The following MERTK variants were observed in gnomAD, a reference collection of about 807,000 sequenced individuals.
MERTK encodes the protein MER proto-oncogene, tyrosine kinase.
A neutral mutation model predicts 99.3 loss-of-function variants in MERTK; 69 were observed. The observed-to-expected ratio is 0.70, with a 90% CI of 0.57 to 0.85. The LOEUF (loss-of-function observed/expected upper bound fraction) is 0.85. Among genes scored for constraint, MERTK ranks in the 40% least tolerant of loss-of-function variants. The probability of loss-of-function intolerance (pLI) is 0.00; values close to 1 mark genes in which losing one functional copy is unlikely to be tolerated. For missense variants in MERTK, 1,125 were observed against 1,249.4 expected (o/e 0.90, Z 1.50); for synonymous variants, 426 against 467.6 (o/e 0.91, Z 1.15).
At chr2:112,026,506 G>A (rs574819538) in intron 18 of MERTK, among the ~76,000 whole-genome samples, 17 of 152,260 alleles carry the variant, frequency 1.1e-4, no homozygotes, top group Admixed American at 8.5e-4. Flanking sequence ...ATTGACTTAC[G>A]CCTGAAAACC....
At chr2:112,008,912 A>G (rs780089854) in intron 14 of MERTK, 63 of 273,810 alleles carry the variant, frequency 2.3e-4, no homozygotes, top group Non-Finnish European at 4.0e-4. Flanking sequence ...CTGATTTCTT[A>G]AGATCATGAT....
intron 2 of MERTK, among the ~76,000 whole-genome samples, chr2:111,934,850 G>C (rs1374346125): frequency 6.6e-6 from 1 of 152,096 alleles, no homozygotes; most frequent in Non-Finnish European, 1.5e-5. Flanking sequence ...TATGATTTCA[G>C]GTCTTACATT....
intron 4 of MERTK, among the ~76,000 whole-genome samples, chr2:111,958,585 A>T (rs758927048): frequency 6.6e-5 from 10 of 152,174 alleles, no homozygotes; most frequent in Non-Finnish European, 1.5e-4. Context: ...CTGTTTTAAT[A>T]CATTGTGTGG....
chr2:112,021,280 C>T (rs1239770252), intron 16 of MERTK, 142 bp from the exon 17 acceptor site: 1 of 1,211,712 alleles, frequency 8.3e-7, no homozygotes, highest in African/African-American at 1.5e-5. Context: ...CCATTGGTCC[C>T]AATGCAGCAT....
At chr2:111,964,368 CGT>C (rs200168355) in intron 4 of MERTK, among the ~76,000 whole-genome samples, 3,995 of 141,240 alleles carry the variant, frequency 0.028, 76 homozygotes, top group African/African-American at 0.056. Context: ...ATCATTGTCT[CGT>C]GTGTGTGTGT....
At chr2:111,953,578 C>CT (rs11380665) in intron 4 of MERTK, among the ~76,000 whole-genome samples, 35,327 of 149,764 alleles carry the variant, frequency 0.24, 4,336 homozygotes, top group Middle Eastern at 0.36. Flanking sequence ...ATTGTTCTCT[C>CT]TTTTTTTTTT....
Position 111,983,007 on chromosome 2 carries a change from C to T in MERTK, c.1296+14C>T. ...GCAGGGATTTCCGTAAGTCTAAACC[C>T]TAGAAGAGCACGATTAGTCATCTCC... On this transcript the variant is annotated intron_variant, in intron 8 of 18. Coordinates refer to ENST00000295408, the MANE Select transcript of MERTK (RefSeq NM_006343.3). 1 of 1,605,156 alleles carries T rather than the reference C, an allele frequency of 6.2e-7. No homozygotes were observed. The highest frequency in any genetic ancestry group is 8.5e-7 in the Non-Finnish European group (1 of 1,176,420).
intron 6 of MERTK, among the ~76,000 whole-genome samples, chr2:111,968,456 T>G (rs1260298458): frequency 6.6e-6 from 1 of 152,110 alleles, no homozygotes; most frequent in East Asian, 1.9e-4. Context: ...CTGTGCAGGA[T>G]TCAGGGCTCA....
In MERTK at chr2:111,964,404, C is replaced by T. The variant is rs889912400; in HGVS notation, c.758-787C>T. The stretch of plus-strand genomic sequence containing the variant: ...GTGTGTGTGTGTGTGTGTGTGCGCG[C>T]GCGCACGCGCATGTGTGTGTGTGTA... On this transcript the variant is annotated intron_variant, in intron 4 of 18. Coordinates refer to ENST00000295408, the MANE Select transcript of MERTK (RefSeq NM_006343.3). Among the ~76,000 whole-genome samples the T allele has an allele frequency of 1.6e-3, 227 of 140,898 alleles. 3 individuals are homozygous for T. The highest frequency in any genetic ancestry group is 5.0e-3 in the African/African-American group (200 of 39,850). The allele number at this position is 140,898 out of a possible 152,430, so 92.4% of individuals were successfully genotyped here.
At position 112,017,610 on chromosome 2, in the gene MERTK, G is replaced by A. The variant is rs114847988; in HGVS notation, c.2080-1803G>A. On this transcript the variant is annotated intron_variant, in intron 15 of 18. Coordinates refer to ENST00000295408, the MANE Select transcript of MERTK (RefSeq NM_006343.3). ...GCGCCACTGCACCACTCCAGTCTGGGTGACAGAGCACGACTTCGTCTCAAA... is the reference window on the plus strand; with the variant it reads ...GCGCCACTGCACCACTCCAGTCTGGATGACAGAGCACGACTTCGTCTCAAA... Among the ~76,000 whole-genome samples the A allele has an allele frequency of 6.4e-3, 954 of 149,830 alleles. 9 individuals carry two copies. Among genetic ancestry groups the A allele is most frequent in the African/African-American group, 0.022 (886 of 40,790 alleles).
At chr2:111,952,813 A>G (rs1685081908) in intron 4 of MERTK, 1 of 152,128 alleles carries the variant, frequency 6.6e-6, no homozygotes, top group Admixed American at 6.5e-5. Flanking sequence ...ATACATTCTA[A>G]TCTCCCTCCA....
chr2:112,022,933 G>A lies in MERTK; in HGVS notation c.2486+539G>A, dbSNP rs559533380. On this transcript the variant is annotated intron_variant, in intron 18 of 18. Coordinates refer to ENST00000295408, the MANE Select transcript of MERTK (RefSeq NM_006343.3). ...AATACGATTCCTCGGCCCTGTTCCC[G>A]GAAATTATGATGCTTTCGGTACAAA... Among the ~76,000 whole-genome samples, 13 of 152,148 alleles carry A rather than the reference G, an allele frequency of 8.5e-5. No individual in the cohort carries two copies. In the South Asian group the frequency reaches 1.5e-3, roughly 17 times the overall value.
intron 17 of MERTK, among the ~76,000 whole-genome samples, chr2:112,022,048 G>C (rs967166852): frequency 4.6e-5 from 7 of 152,196 alleles, no homozygotes; most frequent in Admixed American, 2.0e-4. Context: ...GCCTTTGCCA[G>C]ATTTCCCAGA....
At chr2:111,949,758 C>A (rs976030207) in intron 4 of MERTK, among the ~76,000 whole-genome samples, 1 of 152,146 alleles carries the variant, frequency 6.6e-6, no homozygotes, top group Admixed American at 6.5e-5. Context: ...CACCATCTCC[C>A]ATAGGCAATT....
chr2:111,947,476 C>T lies in MERTK; in HGVS notation c.666C>T (p.Gly222=), dbSNP rs757742950. The T allele has an allele frequency of 6.2e-7, 1 of 1,614,150 alleles. No homozygotes were observed. The highest frequency in any genetic ancestry group is 8.5e-7 in the Non-Finnish European group (1 of 1,180,006). The change falls in exon 4 of 19, where the codon GGC becomes GGT. Residue 222 remains glycine, a synonymous_variant. Transcript: ENST00000295408. ...TAFNLTCQAV[G]PPEPVNIFWV... is the part of the protein sequence containing the mutation. ...TCAACCTCACCTGTCAGGCTGTGGGCCCGCCTGAGCCCGTCAACATTTTCT... is the reference window on the plus strand; with the variant it reads ...TCAACCTCACCTGTCAGGCTGTGGGTCCGCCTGAGCCCGTCAACATTTTCT...
chr2:112,007,525 C>T (rs1353283036), intron 13 of MERTK, among the ~76,000 whole-genome samples: 1 of 152,158 alleles, frequency 6.6e-6, no homozygotes, highest in African/African-American at 2.4e-5. Flanking sequence ...CCCTTTCTCC[C>T]CAGCCCTGGC....
intron 4 of MERTK, among the ~76,000 whole-genome samples, chr2:111,949,283 G>C (rs1685014185): frequency 1.3e-5 from 2 of 152,034 alleles, no homozygotes; most frequent in Non-Finnish European, 2.9e-5. Flanking sequence ...GTAAGGACAA[G>C]AGCTTTGTCT....
intron 9 of MERTK, chr2:111,994,768 A>T (rs1350686408): frequency 4.2e-6 from 1 of 236,044 alleles, no homozygotes; most frequent in Non-Finnish European, 8.4e-6. Context: ...ACAGAGTGAG[A>T]CCCTGTCTCA....
chr2:111,975,494 G>A, intron 7 of MERTK, 22 bp downstream of exon 7: 1 of 1,610,840 alleles, frequency 6.2e-7, no homozygotes, highest in Non-Finnish European at 8.5e-7. Context: ...GGTTCAGAAT[G>A]TATATTGCCC....
Sources: allele counts gnomAD v4.1 joint callset (sites outside exome capture counted in the v4.1 genomes callset), GRCh38; gene constraint gnomAD v4.1.1; transcripts MANE v1.5; gene names NCBI Gene and HGNC (gene_info 2026-07-23, HGNC 2026-07-21).